The following BLM variants were observed in gnomAD, a reference collection of about 807,000 sequenced individuals.
BLM encodes the protein recQ-like DNA helicase BLM.
BLM carries 95 observed loss-of-function variants against 135.3 expected under a neutral mutation model. The observed-to-expected ratio is 0.70, with a 90% CI of 0.59 to 0.83. The LOEUF (loss-of-function observed/expected upper bound fraction) is 0.83. Ranked by LOEUF, BLM falls within the 40% of genes least tolerant of loss-of-function variation. The pLI is 0.00. For missense variants in BLM, 1,518 were observed against 1,663.9 expected (o/e 0.91, Z 1.53); for synonymous variants, 520 against 589.2 (o/e 0.88, Z 1.70).
At position 90,794,212 on chromosome 15, in the gene BLM, A is replaced by C. The variant is rs1567058281; in HGVS notation, c.3065A>C (p.Asn1022Thr). ...CATACAAGAGAAACTCACTTCAATAATTTGTATAGCATGGTACATTACTGT... is the reference window on the plus strand; with the variant it reads ...CATACAAGAGAAACTCACTTCAATACTTTGTATAGCATGGTACATTACTGT... ...NHHTRETHFN[N>T]LYSMVHYCEN... Residue 1022 changes from asparagine (N) to threonine (T), a missense_variant, in exon 16 of 22, where the codon AAT (asparagine) becomes ACT (threonine). Physicochemically the swap from Asn to Thr is moderately conservative, Grantham distance 65. This residue lies in a region of BLM where 626 missense variants were observed against 681.1 expected (regional missense o/e 0.92). Coordinates refer to ENST00000355112, the MANE Select transcript of BLM (RefSeq NM_000057.4). The C allele has an allele frequency of 6.2e-7, 1 of 1,606,456 alleles. No homozygotes were observed. The highest frequency in any genetic ancestry group is 1.3e-5 in the African/African-American group (1 of 74,884).
chr15:90,760,342 A>C, intron 6 of BLM, 63 bp downstream of exon 6: 1 of 1,601,250 alleles, frequency 6.2e-7, no homozygotes, highest in Non-Finnish European at 8.5e-7. Context: ...TAAGTGAAAA[A>C]TGGACAGGGC....
intron 16 of BLM, among the ~76,000 whole-genome samples, 174 bp from the exon 17 acceptor site, chr15:90,798,016 G>A (rs1181480109): frequency 6.6e-6 from 1 of 152,010 alleles, no homozygotes; most frequent in Non-Finnish European, 1.5e-5. Flanking sequence ...AACATCGAGT[G>A]GTAGTTGTTC....
At chr15:90,794,051 A>G in intron 15 of BLM, 116 bp from the exon 16 acceptor site, 1 of 673,430 alleles carries the variant, frequency 1.5e-6, no homozygotes, top group Non-Finnish European at 2.4e-6. Flanking sequence ...CAATGCTGTT[A>G]ACAGTAATTT....
At chr15:90,728,901 C>T (rs1439589218) in intron 1 of BLM, among the ~76,000 whole-genome samples, 6 of 151,974 alleles carry the variant, frequency 3.9e-5, no homozygotes, top group Middle Eastern at 6.8e-3. Flanking sequence ...ACATAGAGGC[C>T]GGGAACATTG....
intron 9 of BLM, among the ~76,000 whole-genome samples, chr15:90,766,147 A>C (rs1451432006): frequency 6.6e-6 from 1 of 152,190 alleles, no homozygotes; most frequent in East Asian, 1.9e-4. Flanking sequence ...AAGAGTTATG[A>C]GTCACCACCC....
intron 19 of BLM, among the ~76,000 whole-genome samples, chr15:90,808,154 A>T (rs1419855755): frequency 6.6e-6 from 1 of 152,238 alleles, no homozygotes; most frequent in Non-Finnish European, 1.5e-5. Flanking sequence ...AGCTTCCCAG[A>T]TAAAGTATAC....
intron 1 of BLM, among the ~76,000 whole-genome samples, chr15:90,736,109 T>G (rs1001173999): frequency 3.9e-5 from 6 of 152,172 alleles, no homozygotes; most frequent in Non-Finnish European, 8.8e-5. Context: ...TTAGAAAGCT[T>G]CACAAGAAGC....
chr15:90,752,351 A>G (rs957100962), intron 4 of BLM, among the ~76,000 whole-genome samples: 1 of 151,708 alleles, frequency 6.6e-6, no homozygotes, highest in Non-Finnish European at 1.5e-5. Context: ...AATTTTTTGT[A>G]TTTTCAGTAG....
chr15:90,796,224 T>TG (rs1897024728), intron 16 of BLM, among the ~76,000 whole-genome samples: 1 of 152,182 alleles, frequency 6.6e-6, no homozygotes, highest in African/African-American at 2.4e-5. Context: ...TTACCTAAAT[T>TG]GGGAATCTAA....
At chr15:90,789,014 A>C (rs1254808050) in intron 14 of BLM, among the ~76,000 whole-genome samples, 1 of 143,698 alleles carries the variant, frequency 7.0e-6, no homozygotes, top group African/African-American at 2.6e-5. Flanking sequence ...TTAAATGGTT[A>C]TGTATAGTAT....
chr15:90,737,463 G>A (rs539122007), intron 1 of BLM, among the ~76,000 whole-genome samples: 2 of 152,246 alleles, frequency 1.3e-5, no homozygotes, highest in South Asian at 2.1e-4. Context: ...AATGAAGGCT[G>A]TTTGAGGAAA....
chr15:90,780,714 A>G (rs746920874), intron 12 of BLM, among the ~76,000 whole-genome samples: 1 of 152,250 alleles, frequency 6.6e-6, no homozygotes, highest in Non-Finnish European at 1.5e-5. Flanking sequence ...CTGTGTCCAC[A>G]TGAATGAAGT....
intron 5 of BLM, 173 bp from the exon 6 acceptor site, chr15:90,759,974 G>A: frequency 1.2e-5 from 3 of 246,316 alleles, no homozygotes; most frequent in South Asian, 1.3e-4. Context: ...TTTTTTTTTA[G>A]TGACAGGGTC....
At chr15:90,753,581 T>G (rs1895743396) in intron 4 of BLM, among the ~76,000 whole-genome samples, 1 of 152,256 alleles carries the variant, frequency 6.6e-6, no homozygotes, top group Non-Finnish European at 1.5e-5. Flanking sequence ...TGTAACTTAG[T>G]ATACATATGT....
At chr15:90,722,398 C>T (rs1894794551) in intron 1 of BLM, among the ~76,000 whole-genome samples, 1 of 152,090 alleles carries the variant, frequency 6.6e-6, no homozygotes, top group Non-Finnish European at 1.5e-5. Flanking sequence ...CATGAGCCGC[C>T]GTGCCCAGCA....
At chr15:90,735,236 A>AT (rs1895178799) in intron 1 of BLM, among the ~76,000 whole-genome samples, 2 of 108,200 alleles carry the variant, frequency 1.8e-5, no homozygotes, top group African/African-American at 3.5e-5. Context: ...TGCCTAAGTT[A>AT]ATATATATAT....
chr15:90,766,410 T>G (rs780484952), intron 9 of BLM, among the ~76,000 whole-genome samples: 7 of 152,114 alleles, frequency 4.6e-5, no homozygotes, highest in Non-Finnish European at 1.0e-4. Flanking sequence ...AAGACCATTT[T>G]GTGTTATGCT....
Position 90,769,287 on chromosome 15 carries a change from T to C in BLM, c.2406+56T>C, listed in dbSNP as rs1049819157. On this transcript the variant is annotated intron_variant, in intron 11 of 21. Transcript: ENST00000355112. ...CGATAAATACATACTACCAACAATA[T>C]ATGTATTTACTGAATAAAAACCCAC... is the stretch of plus-strand genomic sequence containing the variant. 7 of 1,543,202 alleles carry C rather than the reference T, an allele frequency of 4.5e-6. No homozygotes were observed. The African/African-American group carries it at 9.5e-5, about 21-fold the overall frequency.
At chr15:90,807,970 T>C (rs889848390) in intron 19 of BLM, among the ~76,000 whole-genome samples, 1 of 152,216 alleles carries the variant, frequency 6.6e-6, no homozygotes, top group Non-Finnish European at 1.5e-5. Context: ...AAGACATATC[T>C]TGACCTCAGG....
Sources: gnomAD v4.1 joint callset for allele counts (sites outside exome capture counted in the v4.1 genomes callset) on GRCh38, gnomAD v4.1.1 for gene constraint, gnomAD v4.1.1 regional missense constraint, MANE v1.5 for transcripts, NCBI Gene and HGNC (gene_info 2026-07-23, HGNC 2026-07-21) for gene names.